Variants in SCHIP1 observed in about 807,000 individuals in gnomAD.
SCHIP1 encodes schwannomin interacting protein 1.
In SCHIP1, 8 loss-of-function variants were observed where a neutral mutation model predicts 29.7. That is an observed-to-expected ratio of 0.27 (90% CI 0.16 to 0.49). The LOEUF (loss-of-function observed/expected upper bound fraction) is 0.49, where lower values mean the gene tolerates loss of function less well. Among genes scored for constraint, SCHIP1 ranks in the 20% least tolerant of loss-of-function variants. The probability of loss-of-function intolerance (pLI) is 0.99; values close to 1 mark genes in which losing one functional copy is unlikely to be tolerated. For missense variants in SCHIP1, 193 were observed against 294.6 expected (o/e 0.66, Z 2.52); for synonymous variants, 76 against 94.9 (o/e 0.80, Z 1.16).
the SCHIP1 span, among the ~76,000 whole-genome samples, chr3:159,742,721 G>A: frequency 6.6e-6 from 1 of 151,294 alleles, no homozygotes; most frequent in South Asian, 2.1e-4. Context: ...AGGCTGGAGT[G>A]CAATGGTCCG....
chr3:159,864,470 TACACACACACACAC>T lies in SCHIP1; in HGVS notation c.31-1661_31-1648del, dbSNP rs58371525. Reference sequence around the variant, plus strand: ...GTAGTCTTTCACCTTATGGCTGTACTACACACACACACACACACACACACACACACACACACACA... The same window carrying T: ...GTAGTCTTTCACCTTATGGCTGTACTACACACACACACACACACACACACA... On this transcript the variant is annotated intron_variant, in intron 1 of 6. Coordinates refer to ENST00000445224, the Ensembl canonical transcript of SCHIP1. Among the ~76,000 whole-genome samples, 973 of 139,928 alleles carry T rather than the reference TACACACACACACAC, an allele frequency of 7.0e-3. 8 individuals carry two copies. Among genetic ancestry groups the T allele is most frequent in the African/African-American group, 0.024 (918 of 38,100 alleles). 91.8% of individuals were successfully genotyped at this position (139,928 alleles called of 152,430 possible).
the SCHIP1 span, among the ~76,000 whole-genome samples, chr3:159,550,354 T>C: frequency 6.6e-6 from 1 of 152,108 alleles, no homozygotes; most frequent in Non-Finnish European, 1.5e-5. Context: ...TAAAAATGCC[T>C]TTCTCCTTTT....
chr3:159,838,617 G>A (rs890087280), upstream of SCHIP1, among the ~76,000 whole-genome samples: 8 of 152,102 alleles, frequency 5.3e-5, no homozygotes, highest in Middle Eastern at 3.2e-3. Flanking sequence ...TGGGCCAGGC[G>A]CGGTGGCTCA....
the SCHIP1 span, among the ~76,000 whole-genome samples, chr3:159,826,361 T>C: frequency 6.6e-6 from 1 of 152,102 alleles, no homozygotes; most frequent in South Asian, 2.1e-4. Flanking sequence ...GCTGCAGAAA[T>C]CCCGTCTGTC....
chr3:159,852,752 TTACATGAGA>T (rs533167187), intron 1 of SCHIP1, among the ~76,000 whole-genome samples: 52 of 152,310 alleles, frequency 3.4e-4, no homozygotes, highest in African/African-American at 1.2e-3. Context: ...GATGAGACTT[TTACATGAGA>T]TTTTAAGAAA....
At chr3:159,628,779 A>G in the SCHIP1 span, among the ~76,000 whole-genome samples, 9 of 152,210 alleles carry the variant, frequency 5.9e-5, no homozygotes, top group Non-Finnish European at 1.5e-5. Flanking sequence ...ACAAAACACA[A>G]AATGACCTTT....
the SCHIP1 span, among the ~76,000 whole-genome samples, chr3:159,729,952 G>A: frequency 6.6e-6 from 1 of 152,204 alleles, no homozygotes; most frequent in South Asian, 2.1e-4. Flanking sequence ...GAGATCTGCA[G>A]GCCTGGATAT....
chr3:159,425,017 G>C, the SCHIP1 span, among the ~76,000 whole-genome samples: 1 of 151,736 alleles, frequency 6.6e-6, no homozygotes, highest in Admixed American at 6.6e-5. Flanking sequence ...CACCAGGCCT[G>C]CCTTAAAAGA....
the SCHIP1 span, among the ~76,000 whole-genome samples, chr3:159,528,547 C>T: frequency 1.3e-5 from 2 of 152,148 alleles, no homozygotes; most frequent in African/African-American, 2.4e-5. Flanking sequence ...TTAATTGTGT[C>T]GCTTCCTGCA....
chr3:159,344,897 G>A, the SCHIP1 span, among the ~76,000 whole-genome samples: 1 of 152,302 alleles, frequency 6.6e-6, no homozygotes, highest in East Asian at 1.9e-4. Flanking sequence ...TGGGAACTCT[G>A]TACTGTCTTC....
the SCHIP1 span, chr3:159,401,198 A>G: frequency 2.2e-5 from 21 of 959,986 alleles, no homozygotes; most frequent in Non-Finnish European, 2.6e-5. Context: ...ACAAATAAAT[A>G]CATGCTTTGT....
the SCHIP1 span, among the ~76,000 whole-genome samples, chr3:159,741,735 G>A: frequency 2.0e-5 from 3 of 152,220 alleles, no homozygotes. Flanking sequence ...TTGCTGGTGT[G>A]GTGCTGAGAA....
At chr3:159,793,551 G>A in the SCHIP1 span, among the ~76,000 whole-genome samples, 2 of 152,156 alleles carry the variant, frequency 1.3e-5, no homozygotes, top group African/African-American at 2.4e-5. Flanking sequence ...TGGCAAGGCT[G>A]ATTCCTTCTG....
chr3:159,499,537 A>T, the SCHIP1 span, among the ~76,000 whole-genome samples: 1 of 152,232 alleles, frequency 6.6e-6, no homozygotes, highest in African/African-American at 2.4e-5. Flanking sequence ...AAATAGACTG[A>T]CACTTTCTAC....
chr3:159,651,049 GATC>G, the SCHIP1 span, among the ~76,000 whole-genome samples: 1 of 152,082 alleles, frequency 6.6e-6, no homozygotes, highest in African/African-American at 2.4e-5. Context: ...CGTCTCATAG[GATC>G]ATATGAATAG....
chr3:159,825,601 A>C, the SCHIP1 span, among the ~76,000 whole-genome samples: 2 of 152,124 alleles, frequency 1.3e-5, no homozygotes, highest in Non-Finnish European at 2.9e-5. Flanking sequence ...AAGTGAGAGA[A>C]CTTCTCGAGA....
chr3:159,301,581 T>C, the SCHIP1 span, among the ~76,000 whole-genome samples: 2 of 152,132 alleles, frequency 1.3e-5, no homozygotes, highest in Admixed American at 6.5e-5. Flanking sequence ...AGGGGCCTAA[T>C]GGGAGGTGAT....
chr3:159,491,646 G>A, the SCHIP1 span, among the ~76,000 whole-genome samples: 1 of 152,216 alleles, frequency 6.6e-6, no homozygotes, highest in Non-Finnish European at 1.5e-5. Flanking sequence ...GCTCAAGGAG[G>A]CCTGCCTGCC....
the SCHIP1 span, among the ~76,000 whole-genome samples, chr3:159,354,464 G>T: frequency 6.6e-6 from 1 of 152,056 alleles, no homozygotes; most frequent in Non-Finnish European, 1.5e-5. Flanking sequence ...AGAAAAATGT[G>T]TCTGAAGTTT....
Sources: gnomAD v4.1 joint callset for allele counts (sites outside exome capture counted in the v4.1 genomes callset) on GRCh38, gnomAD v4.1.1 for gene constraint, MANE v1.5 for transcripts, NCBI Gene and HGNC (gene_info 2026-07-23, HGNC 2026-07-21) for gene names.